The following PCDHGA6 variants were observed in gnomAD, a reference collection of about 807,000 sequenced individuals.
PCDHGA6 encodes protocadherin gamma-A6.
A neutral mutation model predicts 60.6 loss-of-function variants in PCDHGA6; 41 were observed. The observed-to-expected ratio is 0.68, with a 90% CI of 0.53 to 0.88. The LOEUF is 0.88. Ranked by LOEUF, PCDHGA6 falls within the 40% of genes least tolerant of loss-of-function variation. PCDHGA6 has a pLI of 0.00. For synonymous variants in PCDHGA6, 594 were observed against 524.4 expected, an observed-to-expected ratio of 1.13 and a Z score of -1.81; for missense variants, 1,312 against 1,203.0, an observed-to-expected ratio of 1.09 and a Z score of -1.34.
At chr5:141,394,688 G>A (rs770742323) in intron 1 of PCDHGA6, 3 of 1,611,882 alleles carry the variant, frequency 1.9e-6, no homozygotes, top group Middle Eastern at 1.7e-4. Flanking sequence ...ACACGGGCGA[G>A]GTGCGCACGG....
chr5:141,465,574 C>T (rs1477852984), intron 1 of PCDHGA6, among the ~76,000 whole-genome samples: 2 of 152,160 alleles, frequency 1.3e-5, no homozygotes, highest in Admixed American at 1.3e-4. Context: ...TTTCTCAAAA[C>T]ACTCTCATAA....
intron 1 of PCDHGA6, chr5:141,419,137 CAG>C (rs1561778402): frequency 1.2e-6 from 2 of 1,613,892 alleles, no homozygotes; most frequent in South Asian, 1.1e-5. Context: ...CAGCCACAGA[CAG>C]GGGCAAGCCT....
rs527726605 is a variant in PCDHGA6, at chr5:141,375,244, G to T, written c.1161G>T (p.Pro387=). 2.5e-6 allele frequency: 4 copies of T among 1,613,892 alleles called. No individual in the cohort carries two copies. Among genetic ancestry groups the T allele is most frequent in the Non-Finnish European group, 3.4e-6 (4 of 1,179,898 alleles). ...ATGGCCTGGTAACCTGTTCCATCCC[G>T]AGAAGTCTCCCATTTGAATTGGAAA... ...GLNGLVTCSI[P]RSLPFELEKS... Residue 387 remains proline, a synonymous_variant, in exon 1 of 4, where the codon CCG becomes CCT. Coordinates refer to ENST00000517434, the MANE Select transcript of PCDHGA6 (RefSeq NM_018919.3).
At chr5:141,488,348 C>T (rs1231687770) in intron 1 of PCDHGA6, among the ~76,000 whole-genome samples, 1 of 152,106 alleles carries the variant, frequency 6.6e-6, no homozygotes, top group Non-Finnish European at 1.5e-5. Flanking sequence ...TAGAAACAGC[C>T]ACCCTGTGCA....
At chr5:141,379,328 C>T (rs1775531814) in intron 1 of PCDHGA6, 1 of 152,184 alleles carries the variant, frequency 6.6e-6, no homozygotes, top group African/African-American at 2.4e-5. Flanking sequence ...TAATCATACA[C>T]ATCTTCAAAG....
chr5:141,418,111 A>G (rs763834283), intron 1 of PCDHGA6: 19 of 1,613,940 alleles, frequency 1.2e-5, no homozygotes, highest in Non-Finnish European at 1.5e-5. Context: ...GCGGGGACTT[A>G]CTTGTGAAGG....
chr5:141,456,554 G>A (rs1003323522), intron 1 of PCDHGA6, among the ~76,000 whole-genome samples: 2 of 152,202 alleles, frequency 1.3e-5, no homozygotes, highest in Non-Finnish European at 2.9e-5. Flanking sequence ...GCCACTCGGG[G>A]CTGAAGCCCA....
In PCDHGA6 at chr5:141,432,986, G is replaced by A. The variant is rs2097557714; in HGVS notation, c.2424+56479G>A. ...AGCGCCGGCGTCGCACTTTGTGGGC[G>A]TGGACGGGGTGCAGGCTTTCCTGCA... On this transcript the variant is annotated intron_variant, in intron 1 of 3. Transcript: ENST00000517434. This position sits in a 1 kb window ranked among gnomAD's most constrained non-coding sequence, Gnocchi z 6.0. 6 of 1,614,258 alleles carry A rather than the reference G, an allele frequency of 3.7e-6. No individual in the cohort carries two copies. In the Middle Eastern group the frequency reaches 4.9e-4, roughly 133 times the overall value.
At chr5:141,413,102 G>A in intron 1 of PCDHGA6, 1 of 1,480,778 alleles carries the variant, frequency 6.8e-7, no homozygotes, top group Non-Finnish European at 9.1e-7. Context: ...TGAAGCCACA[G>A]AAAGACAAAG....
intron 1 of PCDHGA6, among the ~76,000 whole-genome samples, chr5:141,444,732 A>G (rs2098445644): frequency 6.6e-6 from 1 of 152,194 alleles, no homozygotes; most frequent in Admixed American, 6.6e-5. Context: ...CTTTGTTGAA[A>G]GTCATTTCAC....
chr5:141,394,491 C>A lies in PCDHGA6; in HGVS notation c.2424+17984C>A, dbSNP rs1477855534. 4 of 1,614,234 alleles carry A rather than the reference C, an allele frequency of 2.5e-6. No homozygotes were observed. The highest frequency in any genetic ancestry group is 2.5e-6 in the Non-Finnish European group (3 of 1,180,046). On this transcript the variant is annotated intron_variant, in intron 1 of 3. Transcript: ENST00000517434. The stretch of plus-strand genomic sequence containing the variant: ...CGTGCTGGACCAGAATGACAACGCG[C>A]CCGAGATCCTGTACCCCGCCCTCCC...
intron 1 of PCDHGA6, chr5:141,416,674 G>T (rs547618174): frequency 6.6e-6 from 1 of 152,132 alleles, no homozygotes; most frequent in Non-Finnish European, 1.5e-5. Context: ...TATATGCAAC[G>T]AAGGGAAATT....
At chr5:141,466,058 C>T (rs970494567) in intron 1 of PCDHGA6, among the ~76,000 whole-genome samples, 2 of 152,046 alleles carry the variant, frequency 1.3e-5, no homozygotes, top group African/African-American at 4.8e-5. Flanking sequence ...GGAGACGGAG[C>T]TTGCAGTGAG....
At chr5:141,474,772 G>T (rs1053853138) in intron 1 of PCDHGA6, among the ~76,000 whole-genome samples, 1 of 152,182 alleles carries the variant, frequency 6.6e-6, no homozygotes, top group Non-Finnish European at 1.5e-5. Context: ...AATAGTATGA[G>T]GCTCTAACAC....
intron 1 of PCDHGA6, chr5:141,394,374 G>A: frequency 1.2e-6 from 2 of 1,614,172 alleles, no homozygotes; most frequent in South Asian, 1.1e-5. Flanking sequence ...GCAATCTTTC[G>A]ACTATGAGCA....
At position 141,422,330 on chromosome 5, in the gene PCDHGA6, C is replaced by T. The variant is rs200342957; in HGVS notation, c.2424+45823C>T. 1,454 of 1,548,164 alleles carry T rather than the reference C, an allele frequency of 9.4e-4. 3 individuals carry two copies. The highest frequency in any genetic ancestry group is 7.9e-4 in the Non-Finnish European group (910 of 1,153,526). On this transcript the variant is annotated intron_variant, in intron 1 of 3. Transcript: ENST00000517434. The stretch of plus-strand genomic sequence containing the variant: ...AACTCTCCTCCAGGTACAGTGATTG[C>T]TCTTCTAAATGTGCAAGATCAAGAT...
intron 1 of PCDHGA6, chr5:141,410,094 C>G: frequency 6.2e-7 from 1 of 1,612,646 alleles, no homozygotes; most frequent in Non-Finnish European, 8.5e-7. Context: ...ACGGCTCGAG[C>G]CTTAGGCGAC....
At chr5:141,454,019 A>G (rs905033407) in intron 1 of PCDHGA6, among the ~76,000 whole-genome samples, 1 of 152,262 alleles carries the variant, frequency 6.6e-6, no homozygotes, top group African/African-American at 2.4e-5. Flanking sequence ...AGAAAAATGT[A>G]TTAAGAATTG....
intron 1 of PCDHGA6, chr5:141,383,716 G>A (rs1012308132): frequency 6.2e-7 from 1 of 1,614,012 alleles, no homozygotes; most frequent in Non-Finnish European, 8.5e-7. Context: ...GGACGAGGGA[G>A]TCAATGGGGA....
Sources: allele counts gnomAD v4.1 joint callset (sites outside exome capture counted in the v4.1 genomes callset), GRCh38; gene constraint gnomAD v4.1.1; non-coding constraint Gnocchi (gnomAD v3.1); transcripts MANE v1.5; gene names NCBI Gene and HGNC (gene_info 2026-07-23, HGNC 2026-07-21).